PSMA7: variants seen among roughly 807,000 people sequenced by gnomAD.
PSMA7 encodes proteasome 20S subunit alpha 7.
Under a neutral mutation model 31.3 loss-of-function variants are expected in PSMA7, and 5 were observed. The ratio of observed to expected loss-of-function variants is 0.16; its 90% CI spans 0.08 to 0.34. PSMA7 has a LOEUF of 0.34. Ranked by LOEUF, PSMA7 falls within the 10% of genes least tolerant of loss-of-function variation. The pLI is 1.00. For missense variants in PSMA7, 217 were observed against 327.5 expected, an observed-to-expected ratio of 0.66 and a Z score of 2.60; for synonymous variants, 155 against 121.9, an observed-to-expected ratio of 1.27 and a Z score of -1.79.
chr20:62,138,942 C>T (rs2056911068), intron 4 of PSMA7, 133 bp downstream of exon 4: 2 of 1,181,966 alleles, frequency 1.7e-6, no homozygotes, highest in Non-Finnish European at 2.4e-6. Context: ...CATTTTCTTG[C>T]TCTCATAGGA....
In PSMA7 at chr20:62,139,911, A is replaced by G. The variant is rs1236376526; in HGVS notation, c.224-6T>C. The G allele has an allele frequency of 6.2e-7, 1 of 1,612,820 alleles. No homozygotes were observed. The highest frequency in any genetic ancestry group is 8.5e-7 in the Non-Finnish European group (1 of 1,179,752). ...CCTTGCATCGGCGGTGAGGCCTGCA[A>G]GGAAAGCAGAGAGGCTTCTGCTAGA... On this transcript the variant is annotated splice_polypyrimidine_tract_variant and splice_region_variant and intron_variant, in intron 2 of 6. Transcript: ENST00000370873.
intron 1 of PSMA7, among the ~76,000 whole-genome samples, chr20:62,141,957 C>G (rs1319630370): frequency 6.6e-6 from 1 of 152,228 alleles, no homozygotes; most frequent in Non-Finnish European, 1.5e-5. Flanking sequence ...ACTGTGAGCA[C>G]CTGGGCAGGG....
chr20:62,138,576 TAG>T (rs1416982742), intron 4 of PSMA7, among the ~76,000 whole-genome samples: 9 of 143,368 alleles, frequency 6.3e-5, no homozygotes, highest in Middle Eastern at 3.6e-3. Flanking sequence ...TTTTTTGAGG[TAG>T]AGTTTTGCTC....
chr20:62,143,229 G>C lies in PSMA7; in HGVS notation c.75C>G (p.Ala25=), dbSNP rs756687835. The change falls in exon 1 of 7, where the codon GCC becomes GCG. Residue 25 remains alanine, a synonymous_variant. Transcript: ENST00000370873. Reference sequence around the variant, plus strand: ...TCACCGCGGTCGAGCCCTTCTTGACGGCCTCCTGCGCGTACTCCACTTGGA... The same window carrying C: ...TCACCGCGGTCGAGCCCTTCTTGACCGCCTCCTGCGCGTACTCCACTTGGA... ...HLFQVEYAQE[A]VKKGSTAVGV... 4 of 1,448,690 alleles carry C rather than the reference G, an allele frequency of 2.8e-6. No homozygotes were observed. Among genetic ancestry groups the C allele is most frequent in the Non-Finnish European group, 3.7e-6 (4 of 1,094,238 alleles). 89.7% of individuals were successfully genotyped at this position (1,448,690 alleles called of 1,614,324 possible).
chr20:62,142,403 T>C (rs868128829), intron 1 of PSMA7: 2 of 152,284 alleles, frequency 1.3e-5, no homozygotes, highest in Non-Finnish European at 2.9e-5. Flanking sequence ...CAGAACCGTG[T>C]GTGCTGCTTT....
At position 62,138,224 on chromosome 20, in the gene PSMA7, C is replaced by T. The variant is rs779715271; in HGVS notation, c.538G>A (p.Ala180Thr). The T allele has an allele frequency of 1.9e-6, 3 of 1,614,216 alleles. No individual in the cohort carries two copies. The highest frequency in any genetic ancestry group is 2.2e-5 in the South Asian group (2 of 91,086). The change falls in exon 5 of 7, where the codon GCC (alanine) becomes ACC (threonine). Residue 180 changes from alanine (A) to threonine (T), a missense_variant. Coordinates refer to ENST00000370873, the MANE Select transcript of PSMA7 (RefSeq NM_002792.4). ...ATGGTCAGATCATCTGTTTCAATGGCTTCGTCAGTATAGTTCTTCTCCAGG... is the reference window on the plus strand; with the variant it reads ...ATGGTCAGATCATCTGTTTCAATGGTTTCGTCAGTATAGTTCTTCTCCAGG... ...EFLEKNYTDE[A>T]IETDDLTIKL...
intron 1 of PSMA7, 24 bp downstream of exon 1, chr20:62,143,184 C>CG: frequency 3.7e-6 from 5 of 1,356,714 alleles, no homozygotes; most frequent in Non-Finnish European, 4.8e-6. Flanking sequence ...CGTCCCCGGC[C>CG]CCGCGCAGGC....
chr20:62,136,926 C>T lies in PSMA7; in HGVS notation c.678G>A (p.Glu226=). The part of the protein sequence containing the change: ...SLKILNPEEI[E]KYVAEIEKEK... Reference sequence around the variant, plus strand: ...CTTTTTCAATTTCAGCAACATACTTCTCAATTTCTTCAGGATTTAAAATCT... The same window carrying T: ...CTTTTTCAATTTCAGCAACATACTTTTCAATTTCTTCAGGATTTAAAATCT... The change falls in exon 7 of 7, where the codon GAG becomes GAA. Residue 226 remains glutamate, a synonymous_variant. Coordinates refer to ENST00000370873, the MANE Select transcript of PSMA7 (RefSeq NM_002792.4). 6.2e-7 allele frequency: 1 copy of T among 1,601,552 alleles called. No homozygotes were observed. Among genetic ancestry groups the T allele is most frequent in the Non-Finnish European group, 8.5e-7 (1 of 1,176,338 alleles).
At chr20:62,140,725 C>T in intron 2 of PSMA7, 93 bp downstream of exon 2, 1 of 1,464,332 alleles carries the variant, frequency 6.8e-7, no homozygotes. Flanking sequence ...GTTTATATGG[C>T]TCACAATAGC....
In PSMA7 at chr20:62,136,794, C is replaced by A; in HGVS notation, c.*63G>T. On this transcript the variant is annotated 3_prime_UTR_variant, in exon 7 of 7. Coordinates refer to ENST00000370873, the MANE Select transcript of PSMA7 (RefSeq NM_002792.4). ...TGAATAAATGGAATGGAAAGGCCTACACATCGAGACTCATCCATGATTGAT... is the reference window on the plus strand; with the variant it reads ...TGAATAAATGGAATGGAAAGGCCTAAACATCGAGACTCATCCATGATTGAT... 1 of 1,542,516 alleles carries A rather than the reference C, an allele frequency of 6.5e-7. No homozygotes were observed. Among genetic ancestry groups the A allele is most frequent in the Admixed American group, 2.2e-5 (1 of 45,252 alleles).
At chr20:62,139,453 C>G in intron 3 of PSMA7, 1 of 639,830 alleles carries the variant, frequency 1.6e-6, no homozygotes, top group Non-Finnish European at 2.7e-6. Flanking sequence ...ACACATTCTG[C>G]TTACATACTA....
chr20:62,139,072 C>T lies in PSMA7; in HGVS notation c.471+3G>A, dbSNP rs767108379. The T allele has an allele frequency of 4.3e-6, 7 of 1,613,540 alleles. No individual in the cohort carries two copies. In the African/African-American group the frequency reaches 8.0e-5, roughly 18 times the overall value. ...GTCCAAAGCCCCTTTGTCACGAACT[C>T]ACCTTCCAGGCATGGTATGTGCCCG... On this transcript the variant is annotated splice_donor_region_variant and intron_variant, in intron 4 of 6. Coordinates refer to ENST00000370873, the MANE Select transcript of PSMA7 (RefSeq NM_002792.4).
chr20:62,139,492 G>T, intron 3 of PSMA7: 1 of 656,078 alleles, frequency 1.5e-6, no homozygotes, highest in Non-Finnish European at 2.6e-6. Context: ...GTGGCTTCCA[G>T]CCCCCTTCAA....
chr20:62,142,683 T>C (rs547328410), intron 1 of PSMA7: 1 of 152,410 alleles, frequency 6.6e-6, no homozygotes, highest in South Asian at 2.1e-4. Flanking sequence ...CGAGCCGCTT[T>C]GTTCTCGAAG....
Position 62,136,795 on chromosome 20 carries a change from A to G in PSMA7, c.*62T>C, listed in dbSNP as rs1767328370. On this transcript the variant is annotated 3_prime_UTR_variant, in exon 7 of 7. Transcript: ENST00000370873. ...GAATAAATGGAATGGAAAGGCCTAC[A>G]CATCGAGACTCATCCATGATTGATA... 1 of 1,547,874 alleles carries G rather than the reference A, an allele frequency of 6.5e-7. No homozygotes were observed. Among genetic ancestry groups the G allele is most frequent in the Non-Finnish European group, 8.7e-7 (1 of 1,152,684 alleles).
chr20:62,142,008 T>A (rs2056931655), intron 1 of PSMA7, among the ~76,000 whole-genome samples: 1 of 152,192 alleles, frequency 6.6e-6, no homozygotes, highest in Non-Finnish European at 1.5e-5. Flanking sequence ...GGGTGGGATA[T>A]TGAGCAGCGT....
intron 4 of PSMA7, among the ~76,000 whole-genome samples, chr20:62,138,777 C>T (rs983655270): frequency 6.6e-6 from 1 of 152,008 alleles, no homozygotes; most frequent in Admixed American, 6.5e-5. Flanking sequence ...AGGCTGGTCT[C>T]GAACACCTGA....
rs751487566 is a variant in PSMA7 at position 62,136,813 on chromosome 20, G to C, written c.*44C>G. ...GGCCTACACATCGAGACTCATCCATGATTGATATGAATTTAAAAATTACAA... is the reference window on the plus strand; with the variant it reads ...GGCCTACACATCGAGACTCATCCATCATTGATATGAATTTAAAAATTACAA... On this transcript the variant is annotated 3_prime_UTR_variant, in exon 7 of 7. Coordinates refer to ENST00000370873, the MANE Select transcript of PSMA7 (RefSeq NM_002792.4). 7 of 1,574,234 alleles carry C rather than the reference G, an allele frequency of 4.4e-6. No homozygotes were observed. The South Asian group carries it at 8.2e-5, about 19-fold the overall frequency.
rs373530823 is a variant in PSMA7 at position 62,140,923 on chromosome 20, T to C, written c.118A>G (p.Ile40Val). The change falls in exon 2 of 7, where the codon ATT becomes GTT. Residue 40 changes from isoleucine to valine, a missense_variant. Transcript: ENST00000370873. Reference protein sequence around the residue: ...STAVGVRGRDIVVLGVEKKSV... With the variant: ...STAVGVRGRDVVVLGVEKKSV... ...TTCTTCTCCACACCAAGAACAACAATGTCTCTTCCTCGAACACCAACCTTT... is the reference window on the plus strand; with the variant it reads ...TTCTTCTCCACACCAAGAACAACAACGTCTCTTCCTCGAACACCAACCTTT... 8.7e-6 allele frequency: 14 copies of C among 1,614,052 alleles called. No individual in the cohort carries two copies. The highest frequency in any genetic ancestry group is 2.7e-5 in the African/African-American group (2 of 74,916).
Sources: allele counts gnomAD v4.1 joint callset (sites outside exome capture counted in the v4.1 genomes callset), GRCh38; gene constraint gnomAD v4.1.1; transcripts MANE v1.5; gene names NCBI Gene and HGNC (gene_info 2026-07-23, HGNC 2026-07-21).